Variants in RNF152 observed in about 807,000 individuals in gnomAD.
RNF152 encodes ring finger protein 152, also known as E3 ubiquitin-protein ligase RNF152.
In RNF152, 11 loss-of-function variants were observed where a neutral mutation model predicts 12.7. The observed-to-expected ratio is 0.86, with a 90% CI of 0.54 to 1.43. The LOEUF (loss-of-function observed/expected upper bound fraction) is 1.43. RNF152 is among the 40% of genes most tolerant of loss of function. The probability of loss-of-function intolerance (pLI) is 0.00; values close to 1 mark genes in which losing one functional copy is unlikely to be tolerated. For missense variants in RNF152, 255 were observed against 274.8 expected (o/e 0.93, Z 0.51); for synonymous variants, 113 against 120.3 (o/e 0.94, Z 0.40).
intron 1 of RNF152, among the ~76,000 whole-genome samples, chr18:61,860,232 G>C (rs1911406644): frequency 6.6e-6 from 1 of 152,162 alleles, no homozygotes; most frequent in Non-Finnish European, 1.5e-5. Context: ...ATGTGACAGA[G>C]TTTCTGTTGT....
chr18:61,864,888 C>T (rs918688126), intron 1 of RNF152, among the ~76,000 whole-genome samples: 2 of 152,114 alleles, frequency 1.3e-5, no homozygotes, highest in Admixed American at 6.5e-5. Flanking sequence ...GGCGTGGTGG[C>T]GCGTGCCTGT....
At chr18:61,837,338 G>A (rs1444237837) in intron 1 of RNF152, among the ~76,000 whole-genome samples, 5 of 152,146 alleles carry the variant, frequency 3.3e-5, no homozygotes, top group African/African-American at 9.7e-5. Flanking sequence ...AGTGATACAA[G>A]GCATTTTAAA....
chr18:61,863,651 T>C (rs1911594466), intron 1 of RNF152, among the ~76,000 whole-genome samples: 1 of 152,340 alleles, frequency 6.6e-6, no homozygotes, highest in South Asian at 2.1e-4. Flanking sequence ...CAAGCAATCC[T>C]GTGTAACCGT....
intron 1 of RNF152, among the ~76,000 whole-genome samples, chr18:61,868,703 A>G (rs1355487142): frequency 1.3e-5 from 2 of 149,994 alleles, no homozygotes; most frequent in Non-Finnish European, 3.0e-5. Context: ...ACTCCGTCTC[A>G]AAAAATAAAA....
intron 1 of RNF152, among the ~76,000 whole-genome samples, chr18:61,878,001 G>A (rs1912289531): frequency 6.6e-6 from 1 of 152,168 alleles, no homozygotes; most frequent in Admixed American, 6.5e-5. Flanking sequence ...GGTTCTTTCT[G>A]CCATATCCTA....
chr18:61,851,132 G>A (rs1481850371), intron 1 of RNF152, among the ~76,000 whole-genome samples: 1 of 150,966 alleles, frequency 6.6e-6, no homozygotes, highest in Non-Finnish European at 1.5e-5. Context: ...TGTGGTTGGT[G>A]CAAATAAACC....
In RNF152 at chr18:61,811,807, G is replaced by A. The variant is rs1383320110; in HGVS notation, c.*4045C>T. 1 of 152,078 alleles carries A rather than the reference G, an allele frequency of 6.6e-6. No homozygotes were observed. The highest frequency in any genetic ancestry group is 1.5e-5 in the Non-Finnish European group (1 of 68,022). The allele number at this position is 152,078 out of a possible 1,614,324, so 9.4% of individuals were successfully genotyped here. On this transcript the variant is annotated 3_prime_UTR_variant, in exon 2 of 2. Coordinates refer to ENST00000312828, the MANE Select transcript of RNF152 (RefSeq NM_173557.3). ...GACACAATTTCACAGTACAGATCATGCATAGCTTGCAAGTCAAACGTTTTA... is the reference window on the plus strand; with the variant it reads ...GACACAATTTCACAGTACAGATCATACATAGCTTGCAAGTCAAACGTTTTA...
chr18:61,822,677 TG>T (rs1432811873), intron 1 of RNF152, among the ~76,000 whole-genome samples: 1 of 152,154 alleles, frequency 6.6e-6, no homozygotes, highest in Non-Finnish European at 1.5e-5. Flanking sequence ...TCTGTGACAG[TG>T]GGGTTAATTA....
At chr18:61,880,910 T>C (rs1912434664) in intron 1 of RNF152, among the ~76,000 whole-genome samples, 1 of 143,722 alleles carries the variant, frequency 7.0e-6, no homozygotes, top group African/African-American at 2.7e-5. Flanking sequence ...TCTCTCTAGT[T>C]TTCTTTTTTT....
intron 1 of RNF152, among the ~76,000 whole-genome samples, chr18:61,825,902 C>T (rs1327849292): frequency 6.6e-6 from 1 of 152,062 alleles, no homozygotes; most frequent in Admixed American, 6.5e-5. Flanking sequence ...CAAATTGAAA[C>T]CTTAAGTCAA....
upstream of RNF152, chr18:61,893,582 TG>T (rs1761388212): frequency 6.6e-6 from 1 of 152,430 alleles, no homozygotes; most frequent in African/African-American, 2.4e-5. Context: ...CCCAGGCGCG[TG>T]TGTCTGCACA....
rs1416048983 is a variant in RNF152, at chr18:61,811,406, G to A, written c.*4446C>T. The A allele has an allele frequency of 6.6e-6, 1 of 152,032 alleles. No homozygotes were observed. The highest frequency in any genetic ancestry group is 1.5e-5 in the Non-Finnish European group (1 of 67,972). The allele number at this position is 152,032 out of a possible 1,614,324, so 9.4% of individuals were successfully genotyped here. A position where few individuals can be genotyped will look rare whatever the true frequency, so the allele number is the denominator to read the frequency against. On this transcript the variant is annotated 3_prime_UTR_variant, in exon 2 of 2. Coordinates refer to ENST00000312828, the MANE Select transcript of RNF152 (RefSeq NM_173557.3). ...TAAACTTCAAGTCTTTAAATTTCAT[G>A]GGCAGTATTTTTTACTGTTAAAAAA... is the stretch of plus-strand genomic sequence containing the variant.
intron 1 of RNF152, among the ~76,000 whole-genome samples, chr18:61,829,451 C>T (rs900541718): frequency 6.7e-6 from 1 of 150,224 alleles, no homozygotes; most frequent in African/African-American, 2.5e-5. Flanking sequence ...TAAGGGGCAG[C>T]AGAAGCAGAG....
At chr18:61,844,191 A>AAGGAGGG (rs1910640482) in intron 1 of RNF152, among the ~76,000 whole-genome samples, 1 of 58,690 alleles carries the variant, frequency 1.7e-5, no homozygotes, top group African/African-American at 4.5e-5. Flanking sequence ...GGAAGGAAGG[A>AAGGAGGG]AGGGAAGGAG....
chr18:61,838,584 G>A (rs146799521), intron 1 of RNF152, among the ~76,000 whole-genome samples: 82 of 152,148 alleles, frequency 5.4e-4, no homozygotes, highest in Admixed American at 1.4e-3. Context: ...TGAAGTCCCC[G>A]GCAATCCTCC....
intron 1 of RNF152, among the ~76,000 whole-genome samples, chr18:61,887,729 C>T (rs1433308778): frequency 2.0e-5 from 3 of 151,584 alleles, no homozygotes; most frequent in African/African-American, 7.3e-5. Flanking sequence ...AAAGAATGCT[C>T]CCTATTTCTA....
chr18:61,876,110 C>T (rs1912203619), intron 1 of RNF152, among the ~76,000 whole-genome samples: 1 of 152,198 alleles, frequency 6.6e-6, no homozygotes, highest in African/African-American at 2.4e-5. Flanking sequence ...AAGACAGGAG[C>T]CACTTACCCC....
intron 1 of RNF152, among the ~76,000 whole-genome samples, chr18:61,845,686 G>A (rs553017181): frequency 6.6e-6 from 1 of 152,280 alleles, no homozygotes; most frequent in East Asian, 1.9e-4. Context: ...TAATGCACTT[G>A]CAATCTTCAT....
At position 61,816,406 on chromosome 18, in the gene RNF152, T is replaced by C. The variant is rs539581016; in HGVS notation, c.58A>G (p.Ser20Gly). The change falls in exon 2 of 2, where the codon AGC becomes GGC. Residue 20 changes from serine to glycine, a missense_variant. Physicochemically the swap from Ser to Gly is moderately conservative, Grantham distance 56 (BLOSUM62 0). Transcript: ENST00000312828. ...AGCAACTTGGGCCTGCGCCGGGGGC[T>C]GTAGTAATTGAAACAGATCTGACAT... Reference protein sequence around the residue: ...LECQICFNYYSPRRRPKLLDC... With the variant: ...LECQICFNYYGPRRRPKLLDC... The C allele has an allele frequency of 6.2e-7, 1 of 1,613,770 alleles. No individual in the cohort carries two copies. The highest frequency in any genetic ancestry group is 1.1e-5 in the South Asian group (1 of 91,060).
Sources: gnomAD v4.1 joint callset for allele counts (sites outside exome capture counted in the v4.1 genomes callset) on GRCh38, gnomAD v4.1.1 for gene constraint, MANE v1.5 for transcripts, NCBI Gene and HGNC (gene_info 2026-07-23, HGNC 2026-07-21) for gene names.